Variants in CEP192 observed in about 807,000 individuals in gnomAD.
CEP192 encodes centrosomal protein 192, also known as centrosomal protein of 192 kDa.
In CEP192, 151 loss-of-function variants were observed where a neutral mutation model predicts 271.8. The ratio of observed to expected loss-of-function variants is 0.56; its 90% CI spans 0.49 to 0.64. The LOEUF (loss-of-function observed/expected upper bound fraction) is 0.64, where lower values mean the gene tolerates loss of function less well. Ranked by LOEUF, CEP192 falls within the 30% of genes least tolerant of loss-of-function variation. The pLI is 0.00. For synonymous variants in CEP192, 995 were observed against 1,076.5 expected, an observed-to-expected ratio of 0.92 and a Z score of 1.48; for missense variants, 2,910 against 3,020.5, an observed-to-expected ratio of 0.96 and a Z score of 0.86.
intron 38 of CEP192, among the ~76,000 whole-genome samples, chr18:13,102,032 C>A (rs1009461585): frequency 6.6e-6 from 1 of 152,096 alleles, no homozygotes; most frequent in African/African-American, 2.4e-5. Flanking sequence ...GCAGTGAAAC[C>A]ACACTGGAAG....
chr18:13,106,227 T>TTAC (rs2039938298), intron 40 of CEP192, among the ~76,000 whole-genome samples: 1 of 152,070 alleles, frequency 6.6e-6, no homozygotes, highest in Admixed American at 6.5e-5. Context: ...TGATCCCCCA[T>TTAC]TACTACTACC....
intron 44 of CEP192, among the ~76,000 whole-genome samples, chr18:13,119,103 T>C (rs2040555538): frequency 6.6e-6 from 1 of 152,236 alleles, no homozygotes; most frequent in Admixed American, 6.5e-5. Flanking sequence ...AGGTTGGAAC[T>C]ACTAAAATAC....
rs2036618751 is a variant in CEP192 at position 13,048,860 on chromosome 18, A to C, written c.2069A>C (p.Asp690Ala). The C allele has an allele frequency of 2.5e-6, 4 of 1,587,452 alleles. No individual in the cohort carries two copies. Among genetic ancestry groups the C allele is most frequent in the Non-Finnish European group, 3.4e-6 (4 of 1,163,588 alleles). The change falls in exon 16 of 45, where the codon GAC becomes GCC. Residue 690 changes from aspartate (D) to alanine (A), a missense_variant and splice_region_variant. Asp to Ala is a moderately radical substitution (Grantham distance 126). Transcript: ENST00000506447. ...GATGTTTAATTTTCTCACTTCTAGG[A>C]CACTTTCTTCATGAGCAACAAACCC... ...TLTADKGKTEDTFFMSNKPQR... is the reference protein window; with the variant it reads ...TLTADKGKTEATFFMSNKPQR...
At position 12,991,428 on chromosome 18, in the gene CEP192, C is replaced by G. The variant is rs188976181; in HGVS notation, c.-14C>G. 1.9e-4 allele frequency: 29 copies of G among 152,820 alleles called. No homozygotes were observed. The highest frequency in any genetic ancestry group is 6.3e-4 in the African/African-American group (26 of 41,598). The allele number at this position is 152,820 out of a possible 1,614,324, so 9.5% of individuals were successfully genotyped here. On this transcript the variant is annotated 5_prime_UTR_variant, in exon 1 of 45. Coordinates refer to ENST00000506447, the MANE Select transcript of CEP192 (RefSeq NM_032142.4). ...GCACACTGCCCTCCGAAGTCGGGGA[C>G]GCGGGCTCGGTGAGGGGGGACGCTG...
chr18:13,032,179 G>A (rs1219649942), intron 11 of CEP192, among the ~76,000 whole-genome samples: 1 of 152,158 alleles, frequency 6.6e-6, no homozygotes, highest in Non-Finnish European at 1.5e-5. Flanking sequence ...TAGAAATCTA[G>A]ATGTCCCAGT....
chr18:13,002,679 C>A (rs979716986), intron 3 of CEP192, among the ~76,000 whole-genome samples: 3 of 152,020 alleles, frequency 2.0e-5, no homozygotes, highest in African/African-American at 7.3e-5. Flanking sequence ...TTGATTTTTA[C>A]AGGTAAAAAT....
chr18:13,122,751 A>G (rs769440409), intron 44 of CEP192, among the ~76,000 whole-genome samples: 2 of 152,084 alleles, frequency 1.3e-5, no homozygotes, highest in Non-Finnish European at 2.9e-5. Flanking sequence ...TGCCTTTGCA[A>G]TTACATCTAT....
chr18:13,050,844 T>A (rs2036747471), intron 17 of CEP192, among the ~76,000 whole-genome samples: 1 of 152,186 alleles, frequency 6.6e-6, no homozygotes, highest in African/African-American at 2.4e-5. Context: ...CCTCCCAACG[T>A]GCTGGGATTA....
chr18:13,064,996 T>A (rs2037615707), intron 21 of CEP192, among the ~76,000 whole-genome samples: 1 of 152,176 alleles, frequency 6.6e-6, no homozygotes, highest in South Asian at 2.1e-4. Flanking sequence ...GTCTTTTACT[T>A]CTTTGATTAA....
chr18:13,068,009 A>G (rs2144374440), intron 22 of CEP192, 53 bp downstream of exon 22: 3 of 1,602,446 alleles, frequency 1.9e-6, no homozygotes, highest in Non-Finnish European at 2.6e-6. Context: ...TGATCTTATG[A>G]AAGTACATTT....
In CEP192 at chr18:13,110,431, A is replaced by AT. The variant is rs58685532; in HGVS notation, c.7048-3141dup. On this transcript the variant is annotated intron_variant, in intron 40 of 44. Transcript: ENST00000506447. ...AAACCCTAATATTTATAATCAATTG[A>AT]TTTTTTTTTTTTTTAATAAGGGCAC... Among the ~76,000 whole-genome samples, 804 of 146,236 alleles carry AT rather than the reference A, an allele frequency of 5.5e-3. 6 individuals carry two copies. Among genetic ancestry groups the AT allele is most frequent in the East Asian group, 0.039 (196 of 5,024 alleles).
chr18:13,005,541 C>G (rs148156495), intron 3 of CEP192, among the ~76,000 whole-genome samples: 2 of 152,274 alleles, frequency 1.3e-5, no homozygotes, highest in East Asian at 3.9e-4. Flanking sequence ...GCCAGGAGCT[C>G]TGGAAACTGG....
intron 1 of CEP192, among the ~76,000 whole-genome samples, chr18:12,997,448 A>G (rs539886216): frequency 3.3e-5 from 5 of 152,282 alleles, no homozygotes; most frequent in African/African-American, 9.6e-5. Context: ...GACATGCATT[A>G]TATCATTTCT....
Position 13,030,009 on chromosome 18 carries a change from G to A in CEP192, c.1390+7G>A, listed in dbSNP as rs1177880979. ...ATCGAAAAGAATAAAGACAGTAAGTGGACTTTTTAAAAAATAGAGTGAAAG... is the reference window on the plus strand; with the variant it reads ...ATCGAAAAGAATAAAGACAGTAAGTAGACTTTTTAAAAAATAGAGTGAAAG... On this transcript the variant is annotated splice_region_variant and intron_variant, in intron 10 of 44. Coordinates refer to ENST00000506447, the MANE Select transcript of CEP192 (RefSeq NM_032142.4). The A allele has an allele frequency of 5.9e-6, 9 of 1,520,996 alleles. No homozygotes were observed. Among genetic ancestry groups the A allele is most frequent in the South Asian group, 2.4e-5 (2 of 81,636 alleles). 94.2% of individuals were successfully genotyped at this position (1,520,996 alleles called of 1,614,324 possible).
intron 30 of CEP192, among the ~76,000 whole-genome samples, chr18:13,081,971 A>G (rs1431059583): frequency 6.6e-6 from 1 of 152,184 alleles, no homozygotes; most frequent in Non-Finnish European, 1.5e-5. Flanking sequence ...TGTGAGAGAC[A>G]GTTTGTTGTG....
rs2037258771 is a variant in CEP192 at position 13,058,877 on chromosome 18, G to A, written c.4258-205G>A. 3 of 567,130 alleles carry A rather than the reference G, an allele frequency of 5.3e-6. No homozygotes were observed. The South Asian group carries it at 6.2e-5, about 12-fold the overall frequency. 35.1% of individuals were successfully genotyped at this position (567,130 alleles called of 1,614,324 possible). On this transcript the variant is annotated intron_variant, in intron 20 of 44. Coordinates refer to ENST00000506447, the MANE Select transcript of CEP192 (RefSeq NM_032142.4). ...GGTGGACTGGGGAGACAGCCTTGGT[G>A]CAGCAAGAACATTCAACTCAGGAAG... is the stretch of plus-strand genomic sequence containing the variant.
intron 18 of CEP192, among the ~76,000 whole-genome samples, chr18:13,054,470 C>T (rs1321621152): frequency 6.6e-6 from 1 of 152,150 alleles, no homozygotes; most frequent in Non-Finnish European, 1.5e-5. Flanking sequence ...GAGCATTACA[C>T]CCCTTTCTTT....
At chr18:13,024,423 T>C (rs2035173082) in intron 9 of CEP192, 2 of 424,078 alleles carry the variant, frequency 4.7e-6, no homozygotes, top group South Asian at 3.4e-5. Flanking sequence ...TTTTTGATTC[T>C]CCTCTGAAAA....
intron 40 of CEP192, among the ~76,000 whole-genome samples, chr18:13,106,061 C>T (rs1002352989): frequency 1.3e-5 from 2 of 152,084 alleles, no homozygotes; most frequent in African/African-American, 4.8e-5. Flanking sequence ...AACAACTATG[C>T]TAAAATTCAT....
Sources: gnomAD v4.1 joint callset for allele counts (sites outside exome capture counted in the v4.1 genomes callset) on GRCh38, gnomAD v4.1.1 for gene constraint, MANE v1.5 for transcripts, NCBI Gene and HGNC (gene_info 2026-07-23, HGNC 2026-07-21) for gene names.